Variants in SEC24C observed in about 807,000 individuals in gnomAD.
SEC24C encodes the protein protein transport protein Sec24C.
Under a neutral mutation model 117.0 loss-of-function variants are expected in SEC24C, and 22 were observed. The observed-to-expected ratio is 0.19, with a 90% CI of 0.13 to 0.27. The LOEUF is 0.27. SEC24C is among the 10% of genes least tolerant of loss of function. The pLI, the probability that SEC24C is intolerant of heterozygous loss-of-function variation, is 1.00. For missense variants in SEC24C, 1,155 were observed against 1,375.1 expected (o/e 0.84, Z 2.53); for synonymous variants, 506 against 529.4 (o/e 0.96, Z 0.61).
chr10:73,746,689 A>C, intron 1 of SEC24C, 116 bp from the exon 2 acceptor site: 1 of 586,546 alleles, frequency 1.7e-6, no homozygotes, highest in Admixed American at 3.7e-5. Context: ...AAGTGTGAGG[A>C]TTATTAAACT....
Position 73,769,981 on chromosome 10 carries a change from C to G in SEC24C, c.2828C>G (p.Thr943Ser). Residue 943 changes from threonine to serine, a missense_variant, in exon 20 of 23, where the codon ACC becomes AGC. Around this residue, in one of 2 missense-constraint regions of SEC24C, gnomAD observed 759 missense variants for 992.3 expected, o/e 0.76. Transcript: ENST00000345254. The surrounding 1 kb of genome is among the most constrained non-coding windows in gnomAD (Gnocchi z 4.5). Reference protein sequence around the residue: ...QLVTSMDVTETNVFFYPRLLP... With the variant: ...QLVTSMDVTESNVFFYPRLLP... The stretch of plus-strand genomic sequence containing the variant: ...GTTACCTCCATGGATGTGACTGAGA[C>G]CAATGTCTTCTTCTACCCTCGGCTC... 1 of 1,614,146 alleles carries G rather than the reference C, an allele frequency of 6.2e-7. No individual in the cohort carries two copies. The highest frequency in any genetic ancestry group is 8.5e-7 in the Non-Finnish European group (1 of 1,180,024).
At chr10:73,756,661 C>T (rs1420172036) in intron 3 of SEC24C, among the ~76,000 whole-genome samples, 2 of 151,518 alleles carry the variant, frequency 1.3e-5, no homozygotes, top group Non-Finnish European at 2.9e-5. Context: ...AGTGCAATAG[C>T]ACGATCTCAG....
At chr10:73,746,589 C>G (rs1332389249) in intron 1 of SEC24C, 1 of 408,768 alleles carries the variant, frequency 2.4e-6, no homozygotes, top group African/African-American at 2.0e-5. Context: ...TAGACAGTGA[C>G]AAAGGGTGGA....
chr10:73,768,965 C>T (rs371812728), intron 16 of SEC24C, 42 bp from the exon 17 acceptor site: 48 of 1,614,216 alleles, frequency 3.0e-5, no homozygotes, highest in Non-Finnish European at 3.8e-5. Context: ...GCATGTGGCA[C>T]TTGTCATACT....
At chr10:73,745,376 G>C (rs1262788159) in intron 1 of SEC24C, among the ~76,000 whole-genome samples, 2 of 151,454 alleles carry the variant, frequency 1.3e-5, no homozygotes, top group African/African-American at 4.9e-5. Context: ...TTGGAATTTA[G>C]AATATTCATA....
intron 3 of SEC24C, among the ~76,000 whole-genome samples, chr10:73,757,699 G>GCAAGAGGA (rs75947160): frequency 0.011 from 1,669 of 150,986 alleles, 29 homozygotes; most frequent in African/African-American, 0.038. Flanking sequence ...TGAAGCCGGG[G>GCAAGAGGA]TAGGAGTTCA....
chr10:73,749,249 G>T (rs569245092), intron 2 of SEC24C, among the ~76,000 whole-genome samples: 1 of 152,182 alleles, frequency 6.6e-6, no homozygotes, highest in African/African-American at 2.4e-5. Flanking sequence ...CTGTTGACTT[G>T]TAGTCTCCTT....
chr10:73,769,623 G>A lies in SEC24C; in HGVS notation c.2572G>A (p.Gly858Arg). ...INYMAKFAYRGVLNSPVKAVR... is the reference protein window; with the variant it reads ...INYMAKFAYRRVLNSPVKAVR... ...TTTGCTTTCCCATCCAGCATATCGG[G>A]GAGTCCTGAATAGCCCTGTGAAGGC... The change falls in exon 19 of 23, where the codon GGA (glycine) becomes AGA (arginine). Residue 858 changes from glycine to arginine, a missense_variant. Gly to Arg is a moderately radical substitution (Grantham distance 125, BLOSUM62 -2). Coordinates refer to ENST00000345254, the MANE Select transcript of SEC24C (RefSeq NM_198597.3). This position sits in a 1 kb window ranked among gnomAD's most constrained non-coding sequence, Gnocchi z 4.5. 6.2e-7 allele frequency: 1 copy of A among 1,614,002 alleles called. No homozygotes were observed.
chr10:73,750,217 T>C (rs1197027592), intron 2 of SEC24C, among the ~76,000 whole-genome samples: 1 of 152,206 alleles, frequency 6.6e-6, no homozygotes, highest in African/African-American at 2.4e-5. Context: ...TCTGATTCTG[T>C]CATGGTTGGT....
In SEC24C at chr10:73,763,916, T is replaced by G; in HGVS notation, c.1160T>G (p.Met387Arg). Residue 387 changes from methionine (M) to arginine (R), a missense_variant, in exon 8 of 23, where the codon ATG (methionine) becomes AGG (arginine). Physicochemically the swap from Met to Arg is moderately conservative, Grantham distance 91 (BLOSUM62 -1). This residue lies in a region of SEC24C where 759 missense variants were observed against 992.3 expected (regional missense o/e 0.76). Transcript: ENST00000345254. ...TATAATATCCCTTGCACATCTGACA[T>G]GGCTAAGCAGGCTCAGGTGCCCCTG... ...TSYNIPCTSDMAKQAQVPLAA... is the reference protein window; with the variant it reads ...TSYNIPCTSDRAKQAQVPLAA... 6.2e-7 allele frequency: 1 copy of G among 1,613,334 alleles called. No homozygotes were observed. The highest frequency in any genetic ancestry group is 8.5e-7 in the Non-Finnish European group (1 of 1,179,750).
rs1233257779 is a variant in SEC24C, at chr10:73,769,536, G to A, written c.2563+51G>A. 6.2e-7 allele frequency: 1 copy of A among 1,613,522 alleles called. No individual in the cohort carries two copies. The highest frequency in any genetic ancestry group is 1.3e-5 in the African/African-American group (1 of 74,942). On this transcript the variant is annotated intron_variant, in intron 18 of 22. Coordinates refer to ENST00000345254, the MANE Select transcript of SEC24C (RefSeq NM_198597.3). This position sits in a 1 kb window ranked among gnomAD's most constrained non-coding sequence, Gnocchi z 4.5. ...GGATTGGGGCTGAGAGGTCCAGGAT[G>A]GTGAGTGGGTAGTTGTGATGGTGGG...
intron 3 of SEC24C, among the ~76,000 whole-genome samples, chr10:73,753,258 G>A (rs945674426): frequency 6.6e-6 from 1 of 152,134 alleles, no homozygotes; most frequent in Non-Finnish European, 1.5e-5. Context: ...CGCCATGTTG[G>A]ACAGGCTGGT....
At chr10:73,744,589 G>GAGC (rs2132506220) in intron 1 of SEC24C, among the ~76,000 whole-genome samples, 152 bp downstream of exon 1, 1 of 152,310 alleles carries the variant, frequency 6.6e-6, no homozygotes, top group South Asian at 2.1e-4. Context: ...CACCATCCAG[G>GAGC]AGCAGGTCCT....
rs1296389378 is a variant in SEC24C, at chr10:73,769,501, G to A, written c.2563+16G>A. 1 of 1,614,174 alleles carries A rather than the reference G, an allele frequency of 6.2e-7. No homozygotes were observed. The highest frequency in any genetic ancestry group is 2.2e-5 in the East Asian group (1 of 44,884). ...GCCAAGTTTGGTGAGGGTAGAAGCA[G>A]GGCAGGGTGGGATTGGGGCTGAGAG... On this transcript the variant is annotated intron_variant, in intron 18 of 22. Transcript: ENST00000345254. The surrounding 1 kb of genome is among the most constrained non-coding windows in gnomAD (Gnocchi z 4.5).
intron 3 of SEC24C, among the ~76,000 whole-genome samples, chr10:73,757,666 A>C (rs1326685941): frequency 3.9e-5 from 5 of 128,448 alleles, no homozygotes. Context: ...CACAGTGCTC[A>C]TGTTTGTAAT....
intron 8 of SEC24C, 96 bp downstream of exon 8, chr10:73,764,079 A>G: frequency 7.0e-7 from 1 of 1,432,470 alleles, no homozygotes; most frequent in Non-Finnish European, 9.3e-7. Flanking sequence ...TCACAATGGA[A>G]GATATTTTAG....
At chr10:73,750,813 G>A (rs1398492585) in intron 2 of SEC24C, among the ~76,000 whole-genome samples, 1 of 152,214 alleles carries the variant, frequency 6.6e-6, no homozygotes, top group East Asian at 1.9e-4. Context: ...ATATCAGGCA[G>A]TCTTGGATTG....
rs1339099437 is a variant in SEC24C at position 73,769,312 on chromosome 10, A to T, written c.2425-35A>T. The T allele has an allele frequency of 1.2e-6, 2 of 1,610,654 alleles. No individual in the cohort carries two copies. The highest frequency in any genetic ancestry group is 1.7e-6 in the Non-Finnish European group (2 of 1,178,272). ...GTGTAGCAAAGGGCCTTTGTGAGGG[A>T]GGGGTGTGAGTTCCCCCTTTCTCCT... On this transcript the variant is annotated intron_variant, in intron 17 of 22. Coordinates refer to ENST00000345254, the MANE Select transcript of SEC24C (RefSeq NM_198597.3). The surrounding 1 kb of genome is among the most constrained non-coding windows in gnomAD (Gnocchi z 4.5).
chr10:73,759,507 G>A, intron 3 of SEC24C, 115 bp from the exon 4 acceptor site: 1 of 663,720 alleles, frequency 1.5e-6, no homozygotes, highest in African/African-American at 1.9e-5. Context: ...AGAACTCAGG[G>A]TGTGAGAGTA....
Sources: gnomAD v4.1 joint callset for allele counts (sites outside exome capture counted in the v4.1 genomes callset) on GRCh38, gnomAD v4.1.1 for gene constraint, gnomAD v4.1.1 regional missense constraint, Gnocchi (gnomAD v3.1) non-coding constraint, MANE v1.5 for transcripts, NCBI Gene and HGNC (gene_info 2026-07-23, HGNC 2026-07-21) for gene names.